LPP: variants seen among roughly 807,000 people sequenced by gnomAD.
The protein encoded by LPP is LIM domain containing preferred translocation partner in lipoma.
LPP carries 38 observed loss-of-function variants against 60.4 expected under a neutral mutation model. That is an observed-to-expected ratio of 0.63 (90% CI 0.49 to 0.83). The LOEUF (loss-of-function observed/expected upper bound fraction) is 0.83, where lower values mean the gene tolerates loss of function less well. LPP is among the 40% of genes least tolerant of loss of function. The pLI is 0.00. For missense variants in LPP, 902 were observed against 783.6 expected (o/e 1.15, Z -1.80); for synonymous variants, 328 against 290.8 (o/e 1.13, Z -1.30).
intron 3 of LPP, among the ~76,000 whole-genome samples, chr3:188,376,123 A>G (rs181222664): frequency 2.0e-5 from 3 of 152,268 alleles, no homozygotes; most frequent in African/African-American, 7.2e-5. Context: ...CTTTACTTCC[A>G]ACTATGTGGT....
chr3:188,305,147 A>T (rs1310449646), intron 2 of LPP, among the ~76,000 whole-genome samples: 1 of 152,178 alleles, frequency 6.6e-6, no homozygotes, highest in Admixed American at 6.5e-5. Context: ...TTTGAAGTCA[A>T]TGTACTTAAA....
intron 9 of LPP, among the ~76,000 whole-genome samples, chr3:188,784,266 A>C (rs1740824227): frequency 6.7e-6 from 1 of 150,258 alleles, no homozygotes; most frequent in Admixed American, 6.7e-5. Context: ...ATTCATTTTT[A>C]TGGCTGAATA....
chr3:188,327,870 C>T (rs1758878031), intron 2 of LPP, among the ~76,000 whole-genome samples: 1 of 151,936 alleles, frequency 6.6e-6, no homozygotes. Context: ...CTTTTGTTTG[C>T]ATGCATTATG....
In LPP at chr3:188,886,656, G is replaced by T. The variant is rs9682864; in HGVS notation, c.*12177G>T. On this transcript the variant is annotated 3_prime_UTR_variant, in exon 12 of 12. Coordinates refer to ENST00000617246, the MANE Select transcript of LPP (RefSeq NM_001375462.1). Reference sequence around the variant, plus strand: ...AAAGAAAAAACTAATAAAAATTTTCGTATTTCACTTTACATAATATGTTCT... The same window carrying T: ...AAAGAAAAAACTAATAAAAATTTTCTTATTTCACTTTACATAATATGTTCT... 132,370 of 213,600 alleles carry T rather than the reference G, an allele frequency of 0.62. 41,509 individuals carry two copies. The highest frequency in any genetic ancestry group is 0.66 in the Non-Finnish European group (71,301 of 107,286). The allele number at this position is 213,600 out of a possible 1,614,324, so 13.2% of individuals were successfully genotyped here.
intron 9 of LPP, among the ~76,000 whole-genome samples, chr3:188,788,936 TC>T (rs1207794312): frequency 6.6e-6 from 1 of 152,162 alleles, no homozygotes; most frequent in African/African-American, 2.4e-5. Flanking sequence ...CCGTGTTGCA[TC>T]ATCAGTCTTT....
intron 2 of LPP, among the ~76,000 whole-genome samples, chr3:188,308,385 CAA>C (rs1376732762): frequency 6.6e-6 from 1 of 152,056 alleles, no homozygotes; most frequent in African/African-American, 2.4e-5. Flanking sequence ...ATGTGAGTGA[CAA>C]TATCATAGGG....
intron 9 of LPP, among the ~76,000 whole-genome samples, chr3:188,807,060 T>C (rs1250330611): frequency 6.6e-6 from 1 of 151,754 alleles, no homozygotes; most frequent in African/African-American, 2.4e-5. Context: ...TTCAATTCTG[T>C]CCTGAAACAG....
intron 2 of LPP, among the ~76,000 whole-genome samples, chr3:188,253,613 TC>T (rs2149603766): frequency 6.6e-6 from 1 of 152,260 alleles, no homozygotes; most frequent in South Asian, 2.1e-4. Context: ...GAAAATGAGG[TC>T]CCAGGTAGAT....
intron 4 of LPP, among the ~76,000 whole-genome samples, chr3:188,417,336 A>G (rs554915854): frequency 3.3e-5 from 5 of 152,214 alleles, no homozygotes; most frequent in African/African-American, 1.2e-4. Context: ...AACTGGGGAA[A>G]GCATCACAGA....
At chr3:188,871,093 C>T (rs537408268) in intron 10 of LPP, among the ~76,000 whole-genome samples, 1 of 152,048 alleles carries the variant, frequency 6.6e-6, no homozygotes, top group East Asian at 1.9e-4. Flanking sequence ...ATAATTACTA[C>T]CAAAATGGAT....
chr3:188,156,189 G>T (rs1716350401), intron 1 of LPP, among the ~76,000 whole-genome samples: 1 of 152,124 alleles, frequency 6.6e-6, no homozygotes, highest in Non-Finnish European at 1.5e-5. Context: ...TTAGGGTCTG[G>T]CAGTCCCCCC....
chr3:188,511,932 T>C (rs1815809384), intron 5 of LPP, among the ~76,000 whole-genome samples: 1 of 152,160 alleles, frequency 6.6e-6, no homozygotes, highest in Non-Finnish European at 1.5e-5. Flanking sequence ...ATATTTCCTG[T>C]TTTATATGTT....
intron 8 of LPP, among the ~76,000 whole-genome samples, chr3:188,734,790 C>A (rs892416074): frequency 2.0e-5 from 3 of 152,114 alleles, no homozygotes; most frequent in African/African-American, 7.2e-5. Context: ...CCAATGACTT[C>A]AATGGAAAGG....
chr3:188,619,758 C>A (rs2151534423), intron 7 of LPP, among the ~76,000 whole-genome samples: 1 of 152,236 alleles, frequency 6.6e-6, no homozygotes, highest in African/African-American at 2.4e-5. Flanking sequence ...ATTAAAAGTT[C>A]TTGAACATCC....
chr3:188,311,384 C>T (rs1753359002), intron 2 of LPP, among the ~76,000 whole-genome samples: 1 of 151,994 alleles, frequency 6.6e-6, no homozygotes, highest in South Asian at 2.1e-4. Flanking sequence ...GAGGCTGAGG[C>T]AGGAACATTG....
chr3:188,406,306 A>C lies in LPP; in HGVS notation c.186A>C (p.Gly62=). ...AGTACAACCCATACAAACAACCTGGAGGTGAGGGTAAGTGCTGGGATTTCA... is the reference window on the plus strand; with the variant it reads ...AGTACAACCCATACAAACAACCTGGCGGTGAGGGTAAGTGCTGGGATTTCA... The part of the protein sequence containing the change: ...KPKYNPYKQP[G]GEGDFLPPPP... Residue 62 remains glycine, a synonymous_variant, in exon 4 of 12, where the codon GGA becomes GGC. Coordinates refer to ENST00000617246, the MANE Select transcript of LPP (RefSeq NM_001375462.1). 2 of 1,613,846 alleles carry C rather than the reference A, an allele frequency of 1.2e-6. No individual in the cohort carries two copies. Among genetic ancestry groups the C allele is most frequent in the Non-Finnish European group, 1.7e-6 (2 of 1,179,838 alleles).
At chr3:188,185,267 G>A (rs559708091) in intron 1 of LPP, among the ~76,000 whole-genome samples, 54 of 151,908 alleles carry the variant, frequency 3.6e-4, no homozygotes, top group African/African-American at 1.1e-3. Context: ...ATCGGGGAGC[G>A]GGCGGGGTGG....
intron 2 of LPP, among the ~76,000 whole-genome samples, chr3:188,232,369 T>C (rs7641501): frequency 0.6 from 91,250 of 151,516 alleles, 27,739 homozygotes; most frequent in Middle Eastern, 0.68. Context: ...TTTTTTGAGA[T>C]GGAGTCTCAC....
chr3:188,509,700 T>C (rs1327568098), intron 5 of LPP, among the ~76,000 whole-genome samples: 9 of 136,686 alleles, frequency 6.6e-5, no homozygotes, highest in South Asian at 2.5e-4. Context: ...CTCTCTCTCT[T>C]TTCTTTTTTT....
Sources: allele counts gnomAD v4.1 joint callset (sites outside exome capture counted in the v4.1 genomes callset), GRCh38; gene constraint gnomAD v4.1.1; transcripts MANE v1.5; gene names NCBI Gene and HGNC (gene_info 2026-07-23, HGNC 2026-07-21).